Variants in ADAMTS2 observed in about 807,000 individuals in gnomAD.
ADAMTS2 encodes A disintegrin and metalloproteinase with thrombospondin motifs 2.
ADAMTS2 carries 50 observed loss-of-function variants against 123.0 expected under a neutral mutation model. The ratio of observed to expected loss-of-function variants is 0.41; its 90% CI spans 0.32 to 0.51. The LOEUF (loss-of-function observed/expected upper bound fraction) is 0.51. Among genes scored for constraint, ADAMTS2 ranks in the 20% least tolerant of loss-of-function variants. ADAMTS2 has a pLI of 0.35. For missense variants in ADAMTS2, 1,494 were observed against 1,705.2 expected (o/e 0.88, Z 2.18); for synonymous variants, 678 against 695.4 (o/e 0.98, Z 0.39).
chr5:179,293,696 C>T (rs1561698418), intron 2 of ADAMTS2, among the ~76,000 whole-genome samples: 1 of 152,216 alleles, frequency 6.6e-6, no homozygotes. Flanking sequence ...TCACCACAAC[C>T]TCCACCTCCT....
chr5:179,129,882 C>T lies in ADAMTS2; in HGVS notation c.2457+50G>A. On this transcript the variant is annotated intron_variant, in intron 16 of 21. Transcript: ENST00000251582. This position sits in a 1 kb window ranked among gnomAD's most constrained non-coding sequence, Gnocchi z 4.1. ...GCGTCCCAGGCACCCCCATCCCTCCCCCAGTGGCCACCCGCACCCTTCCCT... is the reference window on the plus strand; with the variant it reads ...GCGTCCCAGGCACCCCCATCCCTCCTCCAGTGGCCACCCGCACCCTTCCCT... 6.2e-7 allele frequency: 1 copy of T among 1,609,588 alleles called. No individual in the cohort carries two copies. The highest frequency in any genetic ancestry group is 8.5e-7 in the Non-Finnish European group (1 of 1,178,390).
rs551305812 is a variant in ADAMTS2, at chr5:179,284,766, T to C, written c.535-11702A>G. Reference sequence around the variant, plus strand: ...ACAGATTTATGCTAGGCTAAAAGAGTTTCTCAGATTTTTTGACCACTTAAG... The same window carrying C: ...ACAGATTTATGCTAGGCTAAAAGAGCTTCTCAGATTTTTTGACCACTTAAG... On this transcript the variant is annotated intron_variant, in intron 2 of 21. Transcript: ENST00000251582. Among the ~76,000 whole-genome samples, 32 of 152,002 alleles carry C rather than the reference T, an allele frequency of 2.1e-4. No homozygotes were observed. The South Asian group carries it at 5.4e-3, about 26-fold the overall frequency.
intron 2 of ADAMTS2, among the ~76,000 whole-genome samples, chr5:179,326,810 T>G (rs946298897): frequency 5.3e-5 from 8 of 151,998 alleles, no homozygotes; most frequent in African/African-American, 1.7e-4. Flanking sequence ...CGCGTCTGAC[T>G]CCAGCGCACG....
chr5:179,221,799 C>T (rs562391307), intron 3 of ADAMTS2, among the ~76,000 whole-genome samples: 2 of 152,172 alleles, frequency 1.3e-5, no homozygotes. Context: ...TCAGCCCTCT[C>T]TCCCAGTGAG....
In ADAMTS2 at chr5:179,256,521, C is replaced by T. The variant is rs1237895513; in HGVS notation, c.688+16390G>A. 7.5e-6 allele frequency among the ~76,000 whole-genome samples: 1 copy of T among 134,126 alleles called. No individual in the cohort carries two copies. Among genetic ancestry groups the T allele is most frequent in the Non-Finnish European group, 1.8e-5 (1 of 56,986 alleles). 88.0% of individuals were successfully genotyped at this position (134,126 alleles called of 152,430 possible). On this transcript the variant is annotated intron_variant, in intron 3 of 21. Transcript: ENST00000251582. This position sits in a 1 kb window ranked among gnomAD's most constrained non-coding sequence, Gnocchi z 4.1. ...CTGACCATGGGTGTGTGCATGCCTGCGTGTGTGTGAGAGAGAGAGAGGAGA... is the reference window on the plus strand; with the variant it reads ...CTGACCATGGGTGTGTGCATGCCTGTGTGTGTGTGAGAGAGAGAGAGGAGA...
chr5:179,267,687 T>C (rs1766411246), intron 3 of ADAMTS2, among the ~76,000 whole-genome samples: 1 of 152,146 alleles, frequency 6.6e-6, no homozygotes, highest in African/African-American at 2.4e-5. Flanking sequence ...CGTGTTTTGT[T>C]TGGTCTATAT....
At chr5:179,177,539 G>C (rs762365278) in intron 5 of ADAMTS2, among the ~76,000 whole-genome samples, 1 of 152,198 alleles carries the variant, frequency 6.6e-6, no homozygotes, top group Non-Finnish European at 1.5e-5. Flanking sequence ...AAAAGGTGAA[G>C]AACTTGAGTT....
At chr5:179,169,009 C>T (rs929109346) in intron 5 of ADAMTS2, among the ~76,000 whole-genome samples, 5 of 152,252 alleles carry the variant, frequency 3.3e-5, no homozygotes, top group African/African-American at 9.6e-5. Context: ...GGATTCTCAA[C>T]TTGAGCCTTC....
intron 2 of ADAMTS2, among the ~76,000 whole-genome samples, chr5:179,278,755 C>T (rs377142536): frequency 2.6e-5 from 4 of 151,908 alleles, no homozygotes; most frequent in African/African-American, 4.8e-5. Context: ...CAGGTGCCAC[C>T]GCAGGGGCCC....
intron 3 of ADAMTS2, among the ~76,000 whole-genome samples, chr5:179,212,614 G>A (rs1446967477): frequency 6.7e-6 from 1 of 148,690 alleles, no homozygotes; most frequent in Non-Finnish European, 1.5e-5. Context: ...CAGTGGGCAG[G>A]TGTGGGCCCT....
At chr5:179,150,917 G>A (rs1763343905) in intron 10 of ADAMTS2, 2 of 157,356 alleles carry the variant, frequency 1.3e-5, no homozygotes, top group African/African-American at 4.8e-5. Flanking sequence ...TATTTTTTGA[G>A]ACAGGGTCTT....
At position 179,326,919 on chromosome 5, in the gene ADAMTS2, C is replaced by A. The variant is rs116000644; in HGVS notation, c.534+16848G>T. 6.4e-3 allele frequency among the ~76,000 whole-genome samples: 970 copies of A among 152,142 alleles called. 8 individuals carry two copies. Among genetic ancestry groups the A allele is most frequent in the Non-Finnish European group, 0.011 (747 of 68,002 alleles). On this transcript the variant is annotated intron_variant, in intron 2 of 21. Coordinates refer to ENST00000251582, the MANE Select transcript of ADAMTS2 (RefSeq NM_014244.5). ...GAGGAAGAAATGACCGTTCCAAAGC[C>A]CATGCAGCACTCATCTCAAAATAAG... is the stretch of plus-strand genomic sequence containing the variant.
intron 6 of ADAMTS2, among the ~76,000 whole-genome samples, chr5:179,156,228 C>G (rs925351794): frequency 8.5e-5 from 13 of 152,052 alleles, no homozygotes; most frequent in Non-Finnish European, 1.5e-5. Flanking sequence ...GCTGTTTTCT[C>G]TCTCCGGAAT....
intron 3 of ADAMTS2, among the ~76,000 whole-genome samples, chr5:179,213,589 G>A (rs893695162): frequency 9.2e-5 from 14 of 152,160 alleles, no homozygotes; most frequent in Admixed American, 4.6e-4. Flanking sequence ...CAGCAGGGCC[G>A]GAGGGGCCAC....
At chr5:179,267,129 G>A (rs1044139243) in intron 3 of ADAMTS2, among the ~76,000 whole-genome samples, 20 of 149,744 alleles carry the variant, frequency 1.3e-4, no homozygotes, top group African/African-American at 3.9e-4. Flanking sequence ...CACCCCCGCC[G>A]CCCACTCTTC....
rs1253201465 is a variant in ADAMTS2 at position 179,223,648 on chromosome 5, ACACT to A, written c.689-15937_689-15934del. Among the ~76,000 whole-genome samples, 9 of 25,172 alleles carry A rather than the reference ACACT, an allele frequency of 3.6e-4. No homozygotes were observed. The South Asian group carries it at 8.9e-3, about 25-fold the overall frequency. 16.5% of individuals were successfully genotyped at this position (25,172 alleles called of 152,430 possible). A position where few individuals can be genotyped will look rare whatever the true frequency, so the allele number is the denominator to read the frequency against. On this transcript the variant is annotated intron_variant, in intron 3 of 21. Coordinates refer to ENST00000251582, the MANE Select transcript of ADAMTS2 (RefSeq NM_014244.5). The stretch of plus-strand genomic sequence containing the variant: ...CACTCACATGAATGCACACACACAT[ACACT>A]CACAGACGCACACTCACACATGAAT...
intron 3 of ADAMTS2, among the ~76,000 whole-genome samples, chr5:179,257,331 G>A (rs560242858): frequency 1.3e-4 from 20 of 152,348 alleles, no homozygotes; most frequent in Middle Eastern, 3.4e-3. Flanking sequence ...ATCATCGGCC[G>A]TTTGCTCTCC....
intron 4 of ADAMTS2, among the ~76,000 whole-genome samples, chr5:179,199,759 A>G (rs10042679): frequency 0.19 from 28,163 of 152,138 alleles, 3,850 homozygotes; most frequent in African/African-American, 0.35. Flanking sequence ...ACTTCTGGTC[A>G]GCCTGAGGCA....
chr5:179,228,031 C>T lies in ADAMTS2; in HGVS notation c.689-20316G>A, dbSNP rs968561760. On this transcript the variant is annotated intron_variant, in intron 3 of 21. Coordinates refer to ENST00000251582, the MANE Select transcript of ADAMTS2 (RefSeq NM_014244.5). The surrounding 1 kb of genome is among the most constrained non-coding windows in gnomAD (Gnocchi z 5.2). ...GGAAGCCTTCCCTGCAAGGGACCCT[C>T]GGGAGGAGCCGCGTGGGAGGAGGAG... is the stretch of plus-strand genomic sequence containing the variant. 1.3e-5 allele frequency among the ~76,000 whole-genome samples: 2 copies of T among 152,062 alleles called. No homozygotes were observed. The highest frequency in any genetic ancestry group is 2.9e-5 in the Non-Finnish European group (2 of 67,992).
Sources: allele counts gnomAD v4.1 joint callset (sites outside exome capture counted in the v4.1 genomes callset), GRCh38; gene constraint gnomAD v4.1.1; non-coding constraint Gnocchi (gnomAD v3.1); transcripts MANE v1.5; gene names NCBI Gene and HGNC (gene_info 2026-07-23, HGNC 2026-07-21).